RAP1A: variants seen among roughly 807,000 people sequenced by gnomAD.
The protein encoded by RAP1A is RAP1A, member of RAS oncogene family.
RAP1A carries 6 observed loss-of-function variants against 26.4 expected under a neutral mutation model. The ratio of observed to expected loss-of-function variants is 0.23; its 90% CI spans 0.12 to 0.45. The LOEUF is 0.45. Among genes scored for constraint, RAP1A ranks in the 20% least tolerant of loss-of-function variants. The pLI, the probability that RAP1A is intolerant of heterozygous loss-of-function variation, is 0.99. For missense variants in RAP1A, 121 were observed against 217.2 expected, an observed-to-expected ratio of 0.56 and a Z score of 2.78; for synonymous variants, 73 against 79.4, an observed-to-expected ratio of 0.92 and a Z score of 0.43.
chr1:111,681,624 AT>A (rs1389352522), intron 1 of RAP1A, among the ~76,000 whole-genome samples: 1 of 152,216 alleles, frequency 6.6e-6, no homozygotes, highest in African/African-American at 2.4e-5. Context: ...AACTTAATGA[AT>A]TAAAGCGTGA....
chr1:111,596,555 T>C (rs1287286338), intron 1 of RAP1A, among the ~76,000 whole-genome samples: 1 of 152,250 alleles, frequency 6.6e-6, no homozygotes, highest in Non-Finnish European at 1.5e-5. Context: ...GCTTGGTCCA[T>C]AGCAGATGAT....
At chr1:111,709,651 T>TA (rs1485552250) in intron 7 of RAP1A, among the ~76,000 whole-genome samples, 1 of 152,200 alleles carries the variant, frequency 6.6e-6, no homozygotes, top group African/African-American at 2.4e-5. Flanking sequence ...CAAAGTGACA[T>TA]ACCCGTATAT....
intron 2 of RAP1A, among the ~76,000 whole-genome samples, chr1:111,693,437 G>A (rs377454497): frequency 6.6e-6 from 1 of 152,106 alleles, no homozygotes. Flanking sequence ...CCTCTCCACT[G>A]GAGAGGAAAA....
intron 1 of RAP1A, among the ~76,000 whole-genome samples, chr1:111,560,715 C>A (rs952798690): frequency 3.9e-5 from 6 of 152,054 alleles, no homozygotes; most frequent in Non-Finnish European, 5.9e-5. Context: ...TGGTTTTGAA[C>A]TCCTAGCTTC....
intron 1 of RAP1A, among the ~76,000 whole-genome samples, chr1:111,646,648 C>T (rs2101127488): frequency 6.6e-6 from 1 of 152,230 alleles, no homozygotes; most frequent in East Asian, 1.9e-4. Flanking sequence ...TCACGCCATT[C>T]TCCTGCCTCA....
upstream of RAP1A, among the ~76,000 whole-genome samples, chr1:111,616,436 C>A (rs114753265): frequency 2.9e-3 from 444 of 152,288 alleles, no homozygotes; most frequent in African/African-American, 1.0e-2. Context: ...CAGCTTGAAC[C>A]TTTTTCTCAC....
rs147388757 is a variant in RAP1A at position 111,591,226 on chromosome 1, C to T, written c.-28+48717C>T. 9.9e-5 allele frequency among the ~76,000 whole-genome samples: 15 copies of T among 152,114 alleles called. No homozygotes were observed. The South Asian group carries it at 1.5e-3, about 15-fold the overall frequency. ...TGTTTAAAAAATGTTACCTATGTAG[C>T]GATTTTCTTTTTTTAATTCCTGTCA... On this transcript the variant is annotated intron_variant, in intron 1 of 7. Transcript: ENST00000356415.
intron 1 of RAP1A, among the ~76,000 whole-genome samples, chr1:111,689,796 A>C (rs1186863171): frequency 6.6e-6 from 1 of 151,994 alleles, no homozygotes; most frequent in Non-Finnish European, 1.5e-5. Context: ...CAGCCTCCCA[A>C]GTAGCTGGGA....
At chr1:111,581,861 C>T (rs1201108025) in intron 1 of RAP1A, among the ~76,000 whole-genome samples, 1 of 152,188 alleles carries the variant, frequency 6.6e-6, no homozygotes, top group Non-Finnish European at 1.5e-5. Flanking sequence ...TATATAAGCA[C>T]TTAAAATATG....
intron 1 of RAP1A, among the ~76,000 whole-genome samples, chr1:111,687,992 A>T (rs1661538742): frequency 7.8e-6 from 1 of 128,918 alleles, no homozygotes; most frequent in Non-Finnish European, 1.6e-5. Flanking sequence ...TATTCCTTGT[A>T]CTCCAGCCTG....
At chr1:111,616,535 G>GA (rs1480013307), upstream of RAP1A, among the ~76,000 whole-genome samples, 1 of 152,150 alleles carries the variant, frequency 6.6e-6, no homozygotes, top group Non-Finnish European at 1.5e-5. Context: ...TCACTTGTTT[G>GA]ATTACTTCCT....
intron 1 of RAP1A, among the ~76,000 whole-genome samples, chr1:111,572,103 G>T (rs1658060611): frequency 6.6e-6 from 1 of 152,250 alleles, no homozygotes; most frequent in Admixed American, 6.5e-5. Context: ...AGAGACAACT[G>T]GCAGCAGAAA....
chr1:111,545,106 A>G (rs1156371866), intron 1 of RAP1A, among the ~76,000 whole-genome samples: 2 of 148,242 alleles, frequency 1.3e-5, no homozygotes, highest in Non-Finnish European at 3.0e-5. Context: ...GGGTATATCC[A>G]ATTTGGTATA....
At chr1:111,580,750 G>C (rs1474879714) in intron 1 of RAP1A, among the ~76,000 whole-genome samples, 1 of 152,148 alleles carries the variant, frequency 6.6e-6, no homozygotes, top group Non-Finnish European at 1.5e-5. Flanking sequence ...GGGAGGCTGA[G>C]GCAGGAGAAT....
rs75999659 is a variant in RAP1A, at chr1:111,635,576, T to C, written c.-28+15642T>C. ...TCTTTGTTTTCTTTGTGTTTTGTTT[T>C]GTTTCTGAAACAGTGTCTCACTCTG... On this transcript the variant is annotated intron_variant, in intron 1 of 7. Coordinates refer to ENST00000369709, the MANE Select transcript of RAP1A (RefSeq NM_002884.4). Among the ~76,000 whole-genome samples, 1,415 of 152,284 alleles carry C rather than the reference T, an allele frequency of 9.3e-3. 25 individuals are homozygous for C. The highest frequency in any genetic ancestry group is 0.033 in the African/African-American group (1,351 of 41,502).
rs1658054503 is a variant in RAP1A, at chr1:111,571,834, T to TA, written c.-28+29329dup. ...ACCTTGAAGTTGGTGAGAGGATAGA[T>TA]AAAATGGCATGCATTTTTGGCTATT... is the stretch of plus-strand genomic sequence containing the variant. On this transcript the variant is annotated intron_variant, in intron 1 of 7. Coordinates refer to the RAP1A transcript ENST00000356415. 2.0e-5 allele frequency among the ~76,000 whole-genome samples: 3 copies of TA among 152,244 alleles called. No homozygotes were observed. The South Asian group carries it at 6.2e-4, about 31-fold the overall frequency.
chr1:111,646,378 G>A (rs1660063519), intron 1 of RAP1A, among the ~76,000 whole-genome samples: 1 of 150,366 alleles, frequency 6.7e-6, no homozygotes, highest in Non-Finnish European at 1.5e-5. Context: ...TGGAGAGACA[G>A]GGTGTGTCTG....
At chr1:111,612,609 G>A (rs1470246091) in intron 1 of RAP1A, among the ~76,000 whole-genome samples, 1 of 152,072 alleles carries the variant, frequency 6.6e-6, no homozygotes, top group Non-Finnish European at 1.5e-5. Flanking sequence ...TGGCCATCAA[G>A]AAACCAACTG....
chr1:111,650,078 T>C (rs1271283395), intron 1 of RAP1A, among the ~76,000 whole-genome samples: 1 of 149,594 alleles, frequency 6.7e-6, no homozygotes, highest in African/African-American at 2.5e-5. Flanking sequence ...GTAATATTTG[T>C]GGAGTGGTAG....
Sources: gnomAD v4.1 joint callset for allele counts (sites outside exome capture counted in the v4.1 genomes callset) on GRCh38, gnomAD v4.1.1 for gene constraint, MANE v1.5 for transcripts, NCBI Gene and HGNC (gene_info 2026-07-23, HGNC 2026-07-21) for gene names.